Variants in DDX60L observed in about 807,000 individuals in gnomAD.
The protein encoded by DDX60L is DExD/H-box 60 like, also known as probable ATP-dependent RNA helicase DDX60-like.
DDX60L carries 191 observed loss-of-function variants against 211.6 expected under a neutral mutation model. The ratio of observed to expected loss-of-function variants is 0.90; its 90% CI spans 0.80 to 1.02. The LOEUF is 1.02. Ranked by LOEUF, DDX60L falls within the 50% of genes least tolerant of loss-of-function variation. DDX60L has a pLI of 0.00. For synonymous variants in DDX60L, 706 were observed against 694.1 expected (o/e 1.02, Z -0.27); for missense variants, 2,007 against 1,984.1 (o/e 1.01, Z -0.22).
Position 168,453,239 on chromosome 4 carries a change from C to T in DDX60L, c.881G>A (p.Cys294Tyr). Residue 294 changes from cysteine (C) to tyrosine (Y), a missense_variant, in exon 8 of 38, where the codon TGC becomes TAC. Coordinates refer to ENST00000682922, the MANE Select transcript of DDX60L (RefSeq NM_001012967.3). Reference sequence around the variant, plus strand: ...AGCCACACAGAGGCAACGCAGTCTGCAGAAATCTTCCACCTCCTGCAGGGA... The same window carrying T: ...AGCCACACAGAGGCAACGCAGTCTGTAGAAATCTTCCACCTCCTGCAGGGA... ...CLSLQEVEDF[C>Y]RLRCLCVAFQ... is the part of the protein sequence containing the mutation. 1 of 1,612,716 alleles carries T rather than the reference C, an allele frequency of 6.2e-7. No homozygotes were observed. Among genetic ancestry groups the T allele is most frequent in the East Asian group, 2.2e-5 (1 of 44,854 alleles).
intron 14 of DDX60L, among the ~76,000 whole-genome samples, chr4:168,424,657 G>A (rs1751183360): frequency 6.6e-6 from 1 of 152,128 alleles, no homozygotes; most frequent in South Asian, 2.1e-4. Context: ...TATGTGAGCA[G>A]GAGAAGTTGG....
intron 22 of DDX60L, among the ~76,000 whole-genome samples, chr4:168,409,148 G>T (rs941037678): frequency 1.3e-5 from 2 of 152,190 alleles, no homozygotes; most frequent in African/African-American, 4.8e-5. Context: ...TAAGAAGCAT[G>T]TCTCTCTAGT....
chr4:168,412,367 A>C (rs1330543985), intron 22 of DDX60L, among the ~76,000 whole-genome samples: 1 of 152,058 alleles, frequency 6.6e-6, no homozygotes, highest in African/African-American at 2.4e-5. Context: ...GTTGGCCTGA[A>C]GGGAGAGACC....
chr4:168,430,867 CAGGAGAAG>C (rs1185137987), intron 12 of DDX60L, among the ~76,000 whole-genome samples: 3 of 152,048 alleles, frequency 2.0e-5, no homozygotes, highest in East Asian at 1.9e-4. Flanking sequence ...TGTCATTTGG[CAGGAGAAG>C]AGGAGAAGAG....
intron 26 of DDX60L, among the ~76,000 whole-genome samples, chr4:168,400,568 G>C (rs1460928572): frequency 6.6e-6 from 1 of 151,896 alleles, no homozygotes; most frequent in Non-Finnish European, 1.5e-5. Flanking sequence ...TAGGCTGAGG[G>C]CCTCCTAGGA....
In DDX60L at chr4:168,448,635, T is replaced by G. The variant is rs779289573; in HGVS notation, c.1138+3A>C. On this transcript the variant is annotated splice_donor_region_variant and intron_variant, in intron 9 of 37. Coordinates refer to ENST00000682922, the MANE Select transcript of DDX60L (RefSeq NM_001012967.3). The stretch of plus-strand genomic sequence containing the variant: ...ATAATGTTAATGCATATTCAGGTAC[T>G]ACCTTGAGTACTTTCAAATTCATAG... The G allele has an allele frequency of 2.6e-6, 4 of 1,526,580 alleles. No individual in the cohort carries two copies. Among genetic ancestry groups the G allele is most frequent in the South Asian group, 2.4e-5 (2 of 84,062 alleles). 94.6% of individuals were successfully genotyped at this position (1,526,580 alleles called of 1,614,324 possible).
rs761137296 is a variant in DDX60L at position 168,456,118 on chromosome 4, C to A, written c.758G>T (p.Trp253Leu). ...YQTLFLLQHL[W>L]SEGSDIQRVL... is the part of the protein sequence containing the mutation. Reference sequence around the variant, plus strand: ...ACGCTGGATGTCCGATCCTTCTGACCATAGGTGCTGAAGCAGAAATAGAGT... The same window carrying A: ...ACGCTGGATGTCCGATCCTTCTGACAATAGGTGCTGAAGCAGAAATAGAGT... The change falls in exon 7 of 38, where the codon TGG (tryptophan) becomes TTG (leucine). Residue 253 changes from tryptophan (W) to leucine (L), a missense_variant. Physicochemically the swap from Trp to Leu is moderately conservative, Grantham distance 61 (BLOSUM62 -2). Transcript: ENST00000682922. The A allele has an allele frequency of 1.3e-6, 2 of 1,592,174 alleles. No individual in the cohort carries two copies. The highest frequency in any genetic ancestry group is 8.5e-7 in the Non-Finnish European group (1 of 1,171,548).
At chr4:168,377,934 G>A (rs1742264553) in intron 33 of DDX60L, 3 of 152,520 alleles carry the variant, frequency 2.0e-5, no homozygotes, top group African/African-American at 7.2e-5. Flanking sequence ...TTAAGTTAGG[G>A]GATTCTTTCT....
chr4:168,400,738 G>T, intron 26 of DDX60L, 88 bp downstream of exon 26: 1 of 1,162,314 alleles, frequency 8.6e-7, no homozygotes, highest in Non-Finnish European at 1.2e-6. Flanking sequence ...ACCTCTTTGT[G>T]GCTCAGGTCT....
At chr4:168,389,882 C>CTT (rs1744496305) in intron 29 of DDX60L, among the ~76,000 whole-genome samples, 1 of 152,098 alleles carries the variant, frequency 6.6e-6, no homozygotes, top group Non-Finnish European at 1.5e-5. Flanking sequence ...AGCAGTAGAA[C>CTT]TAACATTTTC....
At chr4:168,417,674 C>T (rs1749791471) in intron 19 of DDX60L, among the ~76,000 whole-genome samples, 1 of 152,182 alleles carries the variant, frequency 6.6e-6, no homozygotes, top group Admixed American at 6.5e-5. Context: ...AAGGTCAGTA[C>T]TGGCATATCA....
In DDX60L at chr4:168,403,389, G is replaced by A. The variant is rs145132531; in HGVS notation, c.3338+593C>T. Among the ~76,000 whole-genome samples, 245 of 152,246 alleles carry A rather than the reference G, an allele frequency of 1.6e-3. 1 individual carries two copies. Among genetic ancestry groups the A allele is most frequent in the African/African-American group, 5.0e-3 (209 of 41,556 alleles). On this transcript the variant is annotated intron_variant, in intron 25 of 37. Coordinates refer to ENST00000682922, the MANE Select transcript of DDX60L (RefSeq NM_001012967.3). ...GGGAATTTATTTTATGCAAATTTTCGTAGTTAAAATAATTTAAAATTCTCT... is the reference window on the plus strand; with the variant it reads ...GGGAATTTATTTTATGCAAATTTTCATAGTTAAAATAATTTAAAATTCTCT...
chr4:168,394,281 C>T (rs561519974), intron 28 of DDX60L, among the ~76,000 whole-genome samples, 184 bp downstream of exon 28: 35 of 151,590 alleles, frequency 2.3e-4, no homozygotes, highest in Admixed American at 2.0e-3. Context: ...TATTTTTCAA[C>T]GTAGAAATAA....
At chr4:168,450,636 C>T (rs993948478) in intron 8 of DDX60L, among the ~76,000 whole-genome samples, 3 of 152,212 alleles carry the variant, frequency 2.0e-5, no homozygotes, top group Non-Finnish European at 4.4e-5. Context: ...TTAGCCTTGG[C>T]TAGGTACCAT....
chr4:168,422,999 G>GTGTGTGTGTGTGGGTGTGTA (rs551448406), intron 15 of DDX60L, among the ~76,000 whole-genome samples: 1 of 137,510 alleles, frequency 7.3e-6, no homozygotes, highest in African/African-American at 2.8e-5. Context: ...GTGTGTGTGT[G>GTGTGTGTGTGTGGGTGTGTA]TTGTAGAGAC....
At chr4:168,390,389 T>G in intron 29 of DDX60L, 1 of 1,246,698 alleles carries the variant, frequency 8.0e-7, no homozygotes, top group Non-Finnish European at 1.0e-6. Flanking sequence ...GGTGATATGG[T>G]CTATAGCTAT....
At position 168,399,270 on chromosome 4, in the gene DDX60L, C is replaced by T. The variant is rs1010911541; in HGVS notation, c.3491+1556G>A. Among the ~76,000 whole-genome samples, 22 of 21,574 alleles carry T rather than the reference C, an allele frequency of 1.0e-3. No individual in the cohort carries two copies. In the Non-Finnish European group the frequency reaches 0.045, roughly 44 times the overall value. 14.2% of individuals were successfully genotyped at this position (21,574 alleles called of 152,430 possible). A position where few individuals can be genotyped will look rare whatever the true frequency, so the allele number is the denominator to read the frequency against. On this transcript the variant is annotated intron_variant, in intron 26 of 37. Coordinates refer to ENST00000682922, the MANE Select transcript of DDX60L (RefSeq NM_001012967.3). ...AGAGAAGGAGAGAAGAGCTGCAGCC[C>T]TTCAGGGAGCCAGACCTAGGAGCTC... is the stretch of plus-strand genomic sequence containing the variant.
chr4:168,406,563 C>T (rs770747414), intron 23 of DDX60L, 39 bp downstream of exon 23: 10 of 1,465,024 alleles, frequency 6.8e-6, no homozygotes, highest in Non-Finnish European at 8.4e-6. Flanking sequence ...ATAGCATTAA[C>T]TAAAGTTCAT....
chr4:168,409,548 CAG>C (rs2149811408), intron 22 of DDX60L, among the ~76,000 whole-genome samples: 1 of 152,164 alleles, frequency 6.6e-6, no homozygotes, highest in Non-Finnish European at 1.5e-5. Flanking sequence ...AGCACAGAGT[CAG>C]AGAAATAGGG....
Sources: allele counts gnomAD v4.1 joint callset (sites outside exome capture counted in the v4.1 genomes callset), GRCh38; gene constraint gnomAD v4.1.1; transcripts MANE v1.5; gene names NCBI Gene and HGNC (gene_info 2026-07-23, HGNC 2026-07-21).